CACNA1E: variants seen among roughly 807,000 people sequenced by gnomAD.
CACNA1E encodes the protein calcium voltage-gated channel subunit alpha1 E, also known as voltage-dependent R-type calcium channel subunit alpha-1E.
CACNA1E carries 40 observed loss-of-function variants against 259.2 expected under a neutral mutation model. That is an observed-to-expected ratio of 0.15 (90% CI 0.12 to 0.20). CACNA1E has a LOEUF of 0.20. Ranked by LOEUF, CACNA1E falls within the 10% of genes least tolerant of loss-of-function variation. The pLI, the probability that CACNA1E is intolerant of heterozygous loss-of-function variation, is 1.00. For synonymous variants in CACNA1E, 1,104 were observed against 1,138.5 expected (o/e 0.97, Z 0.61); for missense variants, 1,874 against 3,040.1 (o/e 0.62, Z 9.02).
chr1:181,571,018 T>C (rs1650355592), intron 3 of CACNA1E, among the ~76,000 whole-genome samples: 1 of 152,256 alleles, frequency 6.6e-6, no homozygotes, highest in Admixed American at 6.5e-5. Flanking sequence ...GGGAGGGAGC[T>C]GATGGGTCTG....
rs582129 is a variant in CACNA1E, at chr1:181,463,806, G to A, written c.435-19938G>A. Reference sequence around the variant, plus strand: ...GTCATACAGAGTTATTAATTTTAGTGTGGTAAAATGTATCTGCATTTTTTT... The same window carrying A: ...GTCATACAGAGTTATTAATTTTAGTATGGTAAAATGTATCTGCATTTTTTT... On this transcript the variant is annotated intron_variant, in intron 2 of 11. Transcript: ENST00000524607. 5.4e-3 allele frequency among the ~76,000 whole-genome samples: 819 copies of A among 152,138 alleles called. 4 individuals are homozygous for A. The highest frequency in any genetic ancestry group is 0.019 in the African/African-American group (776 of 41,514).
At chr1:181,771,409 G>C in intron 36 of CACNA1E, 25 bp downstream of exon 36, 1 of 1,277,912 alleles carries the variant, frequency 7.8e-7, no homozygotes, top group Non-Finnish European at 1.1e-6. Flanking sequence ...AACTGTCATA[G>C]CTGGGGTTCT....
chr1:181,387,742 C>T (rs547875886), intron 1 of CACNA1E, among the ~76,000 whole-genome samples: 124 of 152,278 alleles, frequency 8.1e-4, no homozygotes, highest in Middle Eastern at 3.4e-3. Context: ...ACTTGGGGAA[C>T]GTATTTTCAT....
At chr1:181,483,372 G>A (rs1663465449), upstream of CACNA1E, 1 of 169,058 alleles carries the variant, frequency 5.9e-6, no homozygotes, top group African/African-American at 2.4e-5. Context: ...TATGTTTGAA[G>A]AGCAGCCTAC....
intron 18 of CACNA1E, 75 bp downstream of exon 18, chr1:181,726,237 G>A: frequency 1.9e-6 from 2 of 1,029,020 alleles, no homozygotes; most frequent in Non-Finnish European, 3.0e-6. Flanking sequence ...CAGAACTATT[G>A]GTTATAGGAG....
chr1:181,662,922 A>T (rs541711708), intron 7 of CACNA1E, among the ~76,000 whole-genome samples: 1 of 152,136 alleles, frequency 6.6e-6, no homozygotes, highest in East Asian at 1.9e-4. Context: ...GGGCCTTTCT[A>T]TTCTCTGCTC....
chr1:181,521,003 G>C (rs761297272), intron 3 of CACNA1E, among the ~76,000 whole-genome samples: 1 of 152,196 alleles, frequency 6.6e-6, no homozygotes. Context: ...TTGCACAAAG[G>C]AGGGGCTGAA....
Position 181,758,926 on chromosome 1 carries a change from C to T in CACNA1E, c.4605+58C>T, listed in dbSNP as rs560078924. 2.9e-4 allele frequency: 278 copies of T among 971,344 alleles called. 1 individual carries two copies. In the African/African-American group the frequency reaches 3.7e-3, roughly 13 times the overall value. 60.2% of individuals were successfully genotyped at this position (971,344 alleles called of 1,614,324 possible). ...TGTCTCTTTCTGTTGGGTGCCTTCC[C>T]AGTCTTTGTTGAAGGGGAGGTGGTT... On this transcript the variant is annotated intron_variant, in intron 32 of 47. Coordinates refer to ENST00000367573, the MANE Select transcript of CACNA1E (RefSeq NM_001205293.3). The surrounding 1 kb of genome is among the most constrained non-coding windows in gnomAD (Gnocchi z 4.2).
intron 1 of CACNA1E, among the ~76,000 whole-genome samples, chr1:181,352,838 C>T (rs1380182082): frequency 6.6e-6 from 1 of 152,104 alleles, no homozygotes; most frequent in African/African-American, 2.4e-5. Context: ...GTTGATGAGA[C>T]CTTTCAAATA....
chr1:181,674,173 A>G (rs569007354), intron 7 of CACNA1E, among the ~76,000 whole-genome samples: 212 of 150,348 alleles, frequency 1.4e-3, no homozygotes, highest in Middle Eastern at 3.4e-3. Context: ...AGGTCAGGAG[A>G]TCGAGACCAT....
intron 46 of CACNA1E, 39 bp downstream of exon 46, chr1:181,795,083 G>A (rs1354830333): frequency 1.9e-6 from 3 of 1,554,404 alleles, no homozygotes; most frequent in East Asian, 4.5e-5. Flanking sequence ...TCATCAGGCA[G>A]TGGGCTCCTG....
At chr1:181,421,361 T>TG (rs1462857703) in intron 2 of CACNA1E, among the ~76,000 whole-genome samples, 2 of 152,178 alleles carry the variant, frequency 1.3e-5, no homozygotes, top group Non-Finnish European at 2.9e-5. Context: ...TATAGTCTGG[T>TG]GGGGGGTCCT....
At chr1:181,410,312 T>C (rs1657755069) in intron 1 of CACNA1E, among the ~76,000 whole-genome samples, 1 of 152,248 alleles carries the variant, frequency 6.6e-6, no homozygotes, top group African/African-American at 2.4e-5. Context: ...CTTACCAAGC[T>C]CATTCTGGAC....
Position 181,739,267 on chromosome 1 carries a change from T to G in CACNA1E, c.3719+14T>G, listed in dbSNP as rs1325771506. On this transcript the variant is annotated intron_variant, in intron 25 of 47. Coordinates refer to ENST00000367573, the MANE Select transcript of CACNA1E (RefSeq NM_001205293.3). ...CTTTGCTCTGGCGTAAGTGACTCTT[T>G]TCATATTTGATTCCCTTCCTTCCCC... 4 of 1,528,944 alleles carry G rather than the reference T, an allele frequency of 2.6e-6. No individual in the cohort carries two copies. The South Asian group carries it at 4.5e-5, about 17-fold the overall frequency. The allele number at this position is 1,528,944 out of a possible 1,614,324, so 94.7% of individuals were successfully genotyped here. A position where few individuals can be genotyped will look rare whatever the true frequency, so the allele number is the denominator to read the frequency against.
At chr1:181,689,346 G>C (rs373468263) in intron 7 of CACNA1E, among the ~76,000 whole-genome samples, 1 of 152,294 alleles carries the variant, frequency 6.6e-6, no homozygotes, top group East Asian at 1.9e-4. Flanking sequence ...ATTCCACGAT[G>C]TATATGTGCC....
At chr1:181,587,251 T>C (rs1279140587) in intron 6 of CACNA1E, among the ~76,000 whole-genome samples, 2 of 152,152 alleles carry the variant, frequency 1.3e-5, no homozygotes, top group African/African-American at 2.4e-5. Flanking sequence ...AGGTATAACA[T>C]AGTTTTCCAG....
intron 2 of CACNA1E, among the ~76,000 whole-genome samples, chr1:181,458,726 G>C (rs967867667): frequency 4.6e-5 from 7 of 151,912 alleles, no homozygotes; most frequent in Non-Finnish European, 8.8e-5. Flanking sequence ...CTGTGATTTG[G>C]GCACACTGCA....
At chr1:181,674,625 A>G (rs1187603843) in intron 7 of CACNA1E, among the ~76,000 whole-genome samples, 1 of 152,024 alleles carries the variant, frequency 6.6e-6, no homozygotes, top group Non-Finnish European at 1.5e-5. Flanking sequence ...GCGAATTCCC[A>G]TGTTTTCTGG....
chr1:181,350,305 C>T (rs1310290058), intron 1 of CACNA1E, among the ~76,000 whole-genome samples: 2 of 152,240 alleles, frequency 1.3e-5, no homozygotes, highest in Non-Finnish European at 2.9e-5. Context: ...TGTGTCCTGG[C>T]ACTGAGAGCC....
Sources: gnomAD v4.1 joint callset for allele counts (sites outside exome capture counted in the v4.1 genomes callset) on GRCh38, gnomAD v4.1.1 for gene constraint, Gnocchi (gnomAD v3.1) non-coding constraint, MANE v1.5 for transcripts, NCBI Gene and HGNC (gene_info 2026-07-23, HGNC 2026-07-21) for gene names.